MGAT4C: variants seen among roughly 807,000 people sequenced by gnomAD.
MGAT4C encodes the protein MGAT4 family member C.
A neutral mutation model predicts 40.1 loss-of-function variants in MGAT4C; 19 were observed. The observed-to-expected ratio is 0.47, with a 90% CI of 0.33 to 0.70. MGAT4C has a LOEUF of 0.70. Among genes scored for constraint, MGAT4C ranks in the 30% least tolerant of loss-of-function variants. The pLI is 0.02. For missense variants in MGAT4C, 491 were observed against 563.2 expected, an observed-to-expected ratio of 0.87 and a Z score of 1.30; for synonymous variants, 181 against 187.1, an observed-to-expected ratio of 0.97 and a Z score of 0.27.
At chr12:86,313,155 T>A (rs1365957363) in intron 4 of MGAT4C, among the ~76,000 whole-genome samples, 5 of 152,126 alleles carry the variant, frequency 3.3e-5, no homozygotes, top group South Asian at 2.1e-4. Context: ...GTATTTTTTT[T>A]AAACGGTATT....
At chr12:86,571,210 T>G (rs538126822) in intron 2 of MGAT4C, among the ~76,000 whole-genome samples, 2 of 152,292 alleles carry the variant, frequency 1.3e-5, no homozygotes, top group South Asian at 4.1e-4. Flanking sequence ...AATACATTTC[T>G]TCTAAAATAC....
intron 2 of MGAT4C, among the ~76,000 whole-genome samples, chr12:86,677,560 T>G (rs1008954805): frequency 3.9e-5 from 6 of 152,144 alleles, no homozygotes; most frequent in African/African-American, 1.4e-4. Flanking sequence ...TTTTAAAACA[T>G]TAATATTTTT....
intron 2 of MGAT4C, among the ~76,000 whole-genome samples, chr12:86,463,163 AAATT>A (rs1281216382): frequency 1.3e-5 from 2 of 152,166 alleles, no homozygotes; most frequent in African/African-American, 4.8e-5. Flanking sequence ...AGCTGAGAAT[AAATT>A]AATTTATAAC....
At chr12:86,410,569 C>T (rs1017124315) in intron 3 of MGAT4C, among the ~76,000 whole-genome samples, 1 of 152,078 alleles carries the variant, frequency 6.6e-6, no homozygotes, top group African/African-American at 2.4e-5. Flanking sequence ...TCAAGGTGCA[C>T]TGATTTCATA....
intron 4 of MGAT4C, among the ~76,000 whole-genome samples, chr12:86,283,410 A>C (rs1953269124): frequency 6.6e-6 from 1 of 151,930 alleles, no homozygotes; most frequent in African/African-American, 2.4e-5. Flanking sequence ...ATTATATATA[A>C]ATAATTTCCA....
chr12:86,188,976 T>C (rs1220329700), intron 1 of MGAT4C, among the ~76,000 whole-genome samples: 2 of 151,972 alleles, frequency 1.3e-5, no homozygotes, highest in Non-Finnish European at 2.9e-5. Context: ...GTGGTTAGGG[T>C]AACTAGACAG....
intron 3 of MGAT4C, among the ~76,000 whole-genome samples, chr12:86,415,935 C>T (rs78868622): frequency 0.019 from 2,824 of 151,990 alleles, 84 homozygotes; most frequent in African/African-American, 0.064. Flanking sequence ...AAAAAGATTT[C>T]AGGAAATATA....
At chr12:86,741,979 T>A (rs952423723) in intron 1 of MGAT4C, among the ~76,000 whole-genome samples, 2 of 151,518 alleles carry the variant, frequency 1.3e-5, no homozygotes, top group Non-Finnish European at 1.5e-5. Flanking sequence ...TATTTGATTA[T>A]GTACCTTTAA....
chr12:86,836,199 A>G (rs1480162922), intron 1 of MGAT4C, among the ~76,000 whole-genome samples: 1 of 152,028 alleles, frequency 6.6e-6, no homozygotes, highest in African/African-American at 2.4e-5. Flanking sequence ...AATATAGTTA[A>G]AGGAGAATTT....
At chr12:86,000,973 A>C (rs9804820) in intron 2 of MGAT4C, among the ~76,000 whole-genome samples, 38,860 of 152,054 alleles carry the variant, frequency 0.26, 5,651 homozygotes, top group Non-Finnish European at 0.33. Flanking sequence ...AGTTTGGATT[A>C]TTCCTGCGTT....
chr12:86,007,636 A>G (rs1592671872), intron 2 of MGAT4C, among the ~76,000 whole-genome samples: 1 of 152,190 alleles, frequency 6.6e-6, no homozygotes, highest in African/African-American at 2.4e-5. Context: ...AACAGAAAAA[A>G]ACAATAAAAA....
chr12:86,719,185 T>A (rs1004442387), intron 2 of MGAT4C, among the ~76,000 whole-genome samples: 9 of 152,188 alleles, frequency 5.9e-5, no homozygotes, highest in Admixed American at 5.2e-4. Context: ...CAAGTACTTA[T>A]ACTTTCACTA....
At chr12:86,552,816 A>G (rs975287245) in intron 2 of MGAT4C, among the ~76,000 whole-genome samples, 3 of 152,116 alleles carry the variant, frequency 2.0e-5, no homozygotes, top group African/African-American at 4.8e-5. Flanking sequence ...TTGCATAACT[A>G]TATCTCTCAA....
At chr12:86,014,225 T>G (rs1239130940) in intron 2 of MGAT4C, among the ~76,000 whole-genome samples, 1 of 152,126 alleles carries the variant, frequency 6.6e-6, no homozygotes, top group African/African-American at 2.4e-5. Flanking sequence ...TTCCTTTAAT[T>G]TTGGCAACGG....
chr12:85,998,392 G>A (rs1402119059), intron 2 of MGAT4C, among the ~76,000 whole-genome samples: 1 of 152,130 alleles, frequency 6.6e-6, no homozygotes, highest in African/African-American at 2.4e-5. Context: ...CATTACTTAT[G>A]CAAATTTCTG....
intron 1 of MGAT4C, among the ~76,000 whole-genome samples, chr12:86,160,626 C>T (rs1210834189): frequency 6.6e-6 from 1 of 151,882 alleles, no homozygotes; most frequent in Non-Finnish European, 1.5e-5. Context: ...CTAGAGTTTC[C>T]TTGTTAGTTT....
chr12:86,649,514 T>C (rs990794367), intron 2 of MGAT4C, among the ~76,000 whole-genome samples: 19 of 151,906 alleles, frequency 1.3e-4, no homozygotes, highest in South Asian at 2.1e-4. Context: ...GACACAGATA[T>C]ACGTTCTTTA....
chr12:86,614,437 AT>A (rs1475227858), intron 2 of MGAT4C, among the ~76,000 whole-genome samples: 4 of 152,118 alleles, frequency 2.6e-5, no homozygotes, highest in Admixed American at 2.6e-4. Context: ...TATGGATAAT[AT>A]ATGCTTTAGG....
intron 2 of MGAT4C, among the ~76,000 whole-genome samples, chr12:86,446,498 A>G (rs1957336030): frequency 6.6e-6 from 1 of 151,380 alleles, no homozygotes; most frequent in Non-Finnish European, 1.5e-5. Context: ...TGAATGTCTT[A>G]AAGAAAAAAA....
Sources: allele counts gnomAD v4.1 joint callset (sites outside exome capture counted in the v4.1 genomes callset), GRCh38; gene constraint gnomAD v4.1.1; transcripts MANE v1.5; gene names NCBI Gene and HGNC (gene_info 2026-07-23, HGNC 2026-07-21).